Variants in KDM4C observed in about 807,000 individuals in gnomAD.
KDM4C encodes lysine demethylase 4C.
In KDM4C, 81 loss-of-function variants were observed where a neutral mutation model predicts 129.3. The observed-to-expected ratio is 0.63, with a 90% CI of 0.52 to 0.75. The LOEUF is 0.75. Ranked by LOEUF, KDM4C falls within the 30% of genes least tolerant of loss-of-function variation. The pLI, the probability that KDM4C is intolerant of heterozygous loss-of-function variation, is 0.00. For synonymous variants in KDM4C, 573 were observed against 456.1 expected (o/e 1.26, Z -3.26); for missense variants, 1,457 against 1,304.0 (o/e 1.12, Z -1.81).
At chr9:7,003,706 C>T (rs1361332336) in intron 12 of KDM4C, among the ~76,000 whole-genome samples, 1 of 152,154 alleles carries the variant, frequency 6.6e-6, no homozygotes, top group East Asian at 1.9e-4. Flanking sequence ...AATGTCATCA[C>T]TTCTTAGTAA....
At position 6,774,086 on chromosome 9, in the gene KDM4C, C is replaced by G. The variant is rs148008652; in HGVS notation, c.-18+15883C>G. On this transcript the variant is annotated intron_variant, in intron 1 of 21. Coordinates refer to ENST00000381309, the MANE Select transcript of KDM4C (RefSeq NM_015061.6). ...TACTTTTAGTAGAGACGGGGTTTCA[C>G]CATACTGGTCAGGCTGGTTTCGAAC... Among the ~76,000 whole-genome samples the G allele has an allele frequency of 3.2e-3, 483 of 152,106 alleles. 1 individual carries two copies. Among genetic ancestry groups the G allele is most frequent in the African/African-American group, 0.011 (466 of 41,524 alleles).
intron 17 of KDM4C, among the ~76,000 whole-genome samples, chr9:7,076,067 C>T (rs554804166): frequency 2.0e-5 from 3 of 152,172 alleles, no homozygotes; most frequent in Non-Finnish European, 4.4e-5. Context: ...GGTGCCATCA[C>T]ATGTGTTATC....
chr9:6,923,605 T>C (rs147794713), intron 8 of KDM4C, among the ~76,000 whole-genome samples: 3 of 152,330 alleles, frequency 2.0e-5, no homozygotes, highest in East Asian at 1.9e-4. Context: ...AGACAGAACA[T>C]AGAATACCCA....
intron 8 of KDM4C, among the ~76,000 whole-genome samples, chr9:6,895,907 C>G (rs1816344603): frequency 6.6e-6 from 1 of 152,104 alleles, no homozygotes; most frequent in Non-Finnish European, 1.5e-5. Context: ...ATTTTCATGT[C>G]TATTCTTGGA....
chr9:7,045,027 G>A (rs1193329963), intron 15 of KDM4C, among the ~76,000 whole-genome samples: 1 of 151,982 alleles, frequency 6.6e-6, no homozygotes, highest in Non-Finnish European at 1.5e-5. Flanking sequence ...TAGATACTGT[G>A]ACTTGGAGGG....
intron 1 of KDM4C, among the ~76,000 whole-genome samples, chr9:6,789,512 G>A (rs1826129036): frequency 6.6e-6 from 1 of 151,886 alleles, no homozygotes; most frequent in African/African-American, 2.4e-5. Flanking sequence ...GAGCCACTGT[G>A]CCCGGCCACG....
Position 6,946,933 on chromosome 9 carries a change from C to T in KDM4C, c.922-33992C>T, listed in dbSNP as rs1191690467. Among the ~76,000 whole-genome samples, 5 of 152,140 alleles carry T rather than the reference C, an allele frequency of 3.3e-5. No homozygotes were observed. In the East Asian group the frequency reaches 9.6e-4, roughly 29 times the overall value. ...AACTCAAAATAAATGCATCTCACTT[C>T]ATTTGCTTCTTGGCCAGATCCCAAA... On this transcript the variant is annotated intron_variant, in intron 8 of 21. Transcript: ENST00000381309.
intron 17 of KDM4C, among the ~76,000 whole-genome samples, chr9:7,060,573 C>A (rs969523672): frequency 6.6e-6 from 1 of 151,508 alleles, no homozygotes; most frequent in African/African-American, 2.4e-5. Context: ...CCTCCGCGTC[C>A]CGGGTTCAAG....
chr9:6,981,747 T>C (rs1490360478), intron 9 of KDM4C: 2 of 181,642 alleles, frequency 1.1e-5, no homozygotes, highest in East Asian at 3.3e-4. Context: ...GTGTGTGGTG[T>C]TGCTCAGGTC....
At chr9:7,136,027 G>A (rs572589361) in intron 19 of KDM4C, among the ~76,000 whole-genome samples, 4 of 152,202 alleles carry the variant, frequency 2.6e-5, no homozygotes, top group Non-Finnish European at 4.4e-5. Context: ...TAAATTCGGG[G>A]AATGAAGCAA....
chr9:6,791,758 C>G (rs1483773963), intron 1 of KDM4C, among the ~76,000 whole-genome samples: 2 of 152,218 alleles, frequency 1.3e-5, no homozygotes, highest in East Asian at 3.8e-4. Flanking sequence ...CACAGTGGCT[C>G]ATGCCTGTAA....
At chr9:7,108,368 C>T (rs1234559667) in intron 18 of KDM4C, among the ~76,000 whole-genome samples, 3 of 152,124 alleles carry the variant, frequency 2.0e-5, no homozygotes, top group Non-Finnish European at 4.4e-5. Flanking sequence ...TCCCAAGTAG[C>T]TGGGACTACA....
chr9:6,737,177 A>T (rs1169624753), intron 1 of KDM4C, among the ~76,000 whole-genome samples: 2 of 152,076 alleles, frequency 1.3e-5, no homozygotes, highest in African/African-American at 4.8e-5. Context: ...CAGAAAATTG[A>T]CAAACGGGAC....
chr9:6,763,041 G>A (rs578212024), intron 1 of KDM4C, among the ~76,000 whole-genome samples: 1 of 151,914 alleles, frequency 6.6e-6, no homozygotes, highest in Admixed American at 6.6e-5. Context: ...GGTGGGGGGG[G>A]ATGGATGGGG....
rs576467520 is a variant in KDM4C, at chr9:6,900,727, A to G, written c.921+7495A>G. Among the ~76,000 whole-genome samples the G allele has an allele frequency of 6.8e-4, 103 of 152,328 alleles. 1 individual carries two copies. The highest frequency in any genetic ancestry group is 6.8e-3 in the Middle Eastern group (2 of 294). On this transcript the variant is annotated intron_variant, in intron 8 of 21. Coordinates refer to ENST00000381309, the MANE Select transcript of KDM4C (RefSeq NM_015061.6). ...GAATTCCTTTTTAGTCTGTAGTGCA[A>G]CCGTCGTTAACTCTGAGGCTTTGAC...
At chr9:7,029,241 C>A (rs1564009205) in intron 15 of KDM4C, among the ~76,000 whole-genome samples, 1 of 151,238 alleles carries the variant, frequency 6.6e-6, no homozygotes, top group Admixed American at 6.6e-5. Context: ...CCAATATGCT[C>A]ACCATAAAAA....
chr9:7,057,981 T>G (rs1831097216), intron 17 of KDM4C, among the ~76,000 whole-genome samples: 1 of 152,234 alleles, frequency 6.6e-6, no homozygotes, highest in Non-Finnish European at 1.5e-5. Context: ...ATGGTACAGC[T>G]GGGAGTCTTC....
rs146530595 is a variant in KDM4C at position 7,029,758 on chromosome 9, T to C, written c.2259+13829T>C. ...GGATTTTGTTAGAGTGCCACAAATA[T>C]GAATGAGAACTGCATGTGAAGATTG... On this transcript the variant is annotated intron_variant, in intron 15 of 21. Coordinates refer to ENST00000381309, the MANE Select transcript of KDM4C (RefSeq NM_015061.6). Among the ~76,000 whole-genome samples, 618 of 152,278 alleles carry C rather than the reference T, an allele frequency of 4.1e-3. 5 individuals carry two copies. The highest frequency in any genetic ancestry group is 0.02 in the Middle Eastern group (6 of 294).
At chr9:6,834,815 CA>C in intron 4 of KDM4C, 1 of 1,374,766 alleles carries the variant, frequency 7.3e-7, no homozygotes. Context: ...GAAGATGACC[CA>C]GATCATGTTT....
Sources: allele counts gnomAD v4.1 joint callset (sites outside exome capture counted in the v4.1 genomes callset), GRCh38; gene constraint gnomAD v4.1.1; transcripts MANE v1.5; gene names NCBI Gene and HGNC (gene_info 2026-07-23, HGNC 2026-07-21).